CD109: variants seen among roughly 807,000 people sequenced by gnomAD.
The protein encoded by CD109 is CD109 antigen.
Under a neutral mutation model 165.8 loss-of-function variants are expected in CD109, and 149 were observed. The observed-to-expected ratio is 0.90, with a 90% CI of 0.79 to 1.03. The LOEUF is 1.03. CD109 is among the 50% of genes least tolerant of loss of function. The pLI is 0.00. For missense variants in CD109, 1,712 were observed against 1,677.8 expected (o/e 1.02, Z -0.36); for synonymous variants, 585 against 592.1 (o/e 0.99, Z 0.18).
intron 4 of CD109, among the ~76,000 whole-genome samples, chr6:73,731,266 G>A (rs1189434499): frequency 1.3e-5 from 2 of 152,186 alleles, no homozygotes; most frequent in Non-Finnish European, 2.9e-5. Context: ...GGCTGACCTC[G>A]TGATCCACCC....
At chr6:73,818,139 G>A (rs540189961) in intron 30 of CD109, among the ~76,000 whole-genome samples, 90 of 152,268 alleles carry the variant, frequency 5.9e-4, no homozygotes, top group Admixed American at 4.6e-4. Flanking sequence ...TACATTGCAG[G>A]CATTGCATAC....
At position 73,715,075 on chromosome 6, in the gene CD109, A is replaced by G. The variant is rs1421136295; in HGVS notation, c.248-8176A>G. Among the ~76,000 whole-genome samples, 3 of 152,174 alleles carry G rather than the reference A, an allele frequency of 2.0e-5. No individual in the cohort carries two copies. In the East Asian group the frequency reaches 5.8e-4, roughly 29 times the overall value. ...GGAGTTCGAGACCAGCCTGGCCAAC[A>G]TGGCACAACCCTGTCTCTACTAAAA... On this transcript the variant is annotated intron_variant, in intron 2 of 32. Coordinates refer to ENST00000287097, the MANE Select transcript of CD109 (RefSeq NM_133493.5).
At chr6:73,710,041 A>T (rs1427346341) in intron 2 of CD109, among the ~76,000 whole-genome samples, 5 of 152,222 alleles carry the variant, frequency 3.3e-5, no homozygotes, top group Non-Finnish European at 5.9e-5. Flanking sequence ...CAAGACAGGG[A>T]TGTCCTCTCT....
At chr6:73,759,138 CT>C in intron 7 of CD109, 110 bp downstream of exon 7, 1 of 668,304 alleles carries the variant, frequency 1.5e-6, no homozygotes, top group Non-Finnish European at 2.6e-6. Flanking sequence ...ATTAAAATAC[CT>C]TAGTGGACAG....
the CD109 span, among the ~76,000 whole-genome samples, chr6:73,680,405 T>C: frequency 6.6e-6 from 1 of 151,916 alleles, no homozygotes; most frequent in Admixed American, 6.6e-5. Flanking sequence ...TATTTAAGAG[T>C]GGGTGGAGAA....
At chr6:73,788,907 G>A (rs559630103) in intron 22 of CD109, among the ~76,000 whole-genome samples, 1 of 152,314 alleles carries the variant, frequency 6.6e-6, no homozygotes, top group African/African-American at 2.4e-5. Context: ...GCTCCTAGGT[G>A]TTGGTGATAC....
intron 23 of CD109, among the ~76,000 whole-genome samples, chr6:73,798,983 C>T (rs1582178471): frequency 6.6e-6 from 1 of 152,094 alleles, no homozygotes; most frequent in Non-Finnish European, 1.5e-5. Flanking sequence ...CTCTCCTCTC[C>T]TTCTCCTCTC....
intron 32 of CD109, among the ~76,000 whole-genome samples, chr6:73,823,055 T>C (rs759249796): frequency 3.9e-5 from 6 of 152,256 alleles, no homozygotes; most frequent in Non-Finnish European, 7.3e-5. Flanking sequence ...CCCTTTTCAG[T>C]AGTTCTAATG....
intron 27 of CD109, 77 bp downstream of exon 27, chr6:73,810,251 A>C: frequency 3.0e-6 from 1 of 333,554 alleles, no homozygotes; most frequent in Non-Finnish European, 4.8e-6. Context: ...TTTATATATA[A>C]TATATAGTAT....
intron 29 of CD109, among the ~76,000 whole-genome samples, chr6:73,812,888 GACCAAAAA>G (rs1775801897): frequency 6.6e-6 from 1 of 151,990 alleles, no homozygotes; most frequent in Non-Finnish European, 1.5e-5. Flanking sequence ...TTTGTGATAG[GACCAAAAA>G]TGGTTGTGTG....
At chr6:73,812,959 G>T (rs1775804261) in intron 29 of CD109, among the ~76,000 whole-genome samples, 1 of 151,974 alleles carries the variant, frequency 6.6e-6, no homozygotes, top group South Asian at 2.1e-4. Flanking sequence ...TACTGAGAAA[G>T]TAAAAAAATG....
chr6:73,729,494 A>G lies in CD109; in HGVS notation c.277-850A>G, dbSNP rs757236050. On this transcript the variant is annotated intron_variant, in intron 3 of 32. Transcript: ENST00000287097. The stretch of plus-strand genomic sequence containing the variant: ...GCTAGAAGGTAGGACTTCTATTGTT[A>G]TTATTATTATTATTATTATTATTAT... Among the ~76,000 whole-genome samples, 49 of 41,400 alleles carry G rather than the reference A, an allele frequency of 1.2e-3. 1 individual carries two copies. The highest frequency in any genetic ancestry group is 2.4e-3 in the East Asian group (5 of 2,066). 27.2% of individuals were successfully genotyped at this position (41,400 alleles called of 152,430 possible).
chr6:73,746,543 A>T (rs1772989119), intron 5 of CD109, among the ~76,000 whole-genome samples: 2 of 151,546 alleles, frequency 1.3e-5, no homozygotes, highest in South Asian at 2.1e-4. Flanking sequence ...TAAATGGGTG[A>T]TTTTTGTTTA....
At chr6:73,775,255 G>A (rs1375665458) in intron 15 of CD109, among the ~76,000 whole-genome samples, 1 of 151,802 alleles carries the variant, frequency 6.6e-6, no homozygotes, top group Non-Finnish European at 1.5e-5. Context: ...ATACATATAG[G>A]CAGTATAGTG....
intron 27 of CD109, 81 bp downstream of exon 27, chr6:73,810,255 A>G (rs1489529277): frequency 3.0e-6 from 1 of 338,540 alleles, no homozygotes; most frequent in Non-Finnish European, 4.7e-6. Context: ...TATATAATAT[A>G]TAGTATATAT....
chr6:73,710,450 A>G, intron 2 of CD109, among the ~76,000 whole-genome samples: 1 of 152,234 alleles, frequency 6.6e-6, no homozygotes. Flanking sequence ...GGAGGACACA[A>G]ACAAATGGAA....
At chr6:73,764,962 T>C (rs1372472519) in intron 10 of CD109, among the ~76,000 whole-genome samples, 1 of 152,152 alleles carries the variant, frequency 6.6e-6, no homozygotes, top group Non-Finnish European at 1.5e-5. Flanking sequence ...AAATTGAGGC[T>C]GCAAATGGTA....
At chr6:73,762,591 C>A in intron 8 of CD109, 111 bp downstream of exon 8, 1 of 976,004 alleles carries the variant, frequency 1.0e-6, no homozygotes, top group Non-Finnish European at 1.5e-6. Flanking sequence ...AAATCAAGAG[C>A]TTTCCAGCAT....
At chr6:73,692,054 G>A (rs1770700356), upstream of CD109, among the ~76,000 whole-genome samples, 1 of 151,946 alleles carries the variant, frequency 6.6e-6, no homozygotes. Flanking sequence ...GGGGGGAGGT[G>A]CCACATACTT....
Sources: allele counts gnomAD v4.1 joint callset (sites outside exome capture counted in the v4.1 genomes callset), GRCh38; gene constraint gnomAD v4.1.1; transcripts MANE v1.5; gene names NCBI Gene and HGNC (gene_info 2026-07-23, HGNC 2026-07-21).